The following CAMTA1 variants were observed in gnomAD, a reference collection of about 807,000 sequenced individuals.
CAMTA1 encodes the protein calmodulin binding transcription activator 1.
A neutral mutation model predicts 170.9 loss-of-function variants in CAMTA1; 27 were observed. That is an observed-to-expected ratio of 0.16 (90% CI 0.12 to 0.22). CAMTA1 has a LOEUF of 0.22. Among genes scored for constraint, CAMTA1 ranks in the 10% least tolerant of loss-of-function variants. CAMTA1 has a pLI of 1.00. For missense variants in CAMTA1, 1,619 were observed against 2,217.2 expected (o/e 0.73, Z 5.42); for synonymous variants, 833 against 891.5 (o/e 0.93, Z 1.17).
chr1:7,392,637 G>A (rs1320803567), intron 5 of CAMTA1, among the ~76,000 whole-genome samples: 2 of 151,654 alleles, frequency 1.3e-5, no homozygotes, highest in East Asian at 3.9e-4. Context: ...ATTTTGGGAG[G>A]CCAAGGTGGG....
chr1:7,385,092 A>ATT (rs34254610), intron 5 of CAMTA1, among the ~76,000 whole-genome samples: 98,491 of 140,180 alleles, frequency 0.7, 35,321 homozygotes, highest in Middle Eastern at 0.81. Context: ...CCTGTTCACT[A>ATT]TTTTTTTTTT....
At chr1:7,689,969 C>T (rs1311859354) in intron 11 of CAMTA1, among the ~76,000 whole-genome samples, 1 of 152,152 alleles carries the variant, frequency 6.6e-6, no homozygotes. Flanking sequence ...ACCAGCTTGA[C>T]CAACATGGTG....
At chr1:6,932,097 G>A (rs561218645) in intron 3 of CAMTA1, among the ~76,000 whole-genome samples, 1 of 152,188 alleles carries the variant, frequency 6.6e-6, no homozygotes, top group South Asian at 2.1e-4. Context: ...AGTGAGTTCT[G>A]GCATCACCAT....
At chr1:7,535,761 C>G (rs1430275745) in intron 6 of CAMTA1, among the ~76,000 whole-genome samples, 1 of 152,198 alleles carries the variant, frequency 6.6e-6, no homozygotes, top group African/African-American at 2.4e-5. Context: ...GGGACACAAC[C>G]TATGACCCCA....
At position 7,577,414 on chromosome 1, in the gene CAMTA1, G is replaced by A. The variant is rs146198518; in HGVS notation, c.511-62986G>A. Among the ~76,000 whole-genome samples the A allele has an allele frequency of 1.8e-4, 28 of 152,226 alleles. No homozygotes were observed. In the East Asian group the frequency reaches 2.3e-3, roughly 13 times the overall value. ...ACCTGTGTCAGCACTCCTTCTCACC[G>A]TCACAGACCATGGCTCCCTCTAACG... On this transcript the variant is annotated intron_variant, in intron 6 of 22. Transcript: ENST00000303635.
chr1:6,966,015 G>A (rs934243489), intron 3 of CAMTA1, among the ~76,000 whole-genome samples: 14 of 152,076 alleles, frequency 9.2e-5, no homozygotes, highest in Non-Finnish European at 1.3e-4. Flanking sequence ...GGGGGATCTC[G>A]GGGATGGGGA....
chr1:6,909,532 G>A (rs541336547), intron 3 of CAMTA1, among the ~76,000 whole-genome samples: 2 of 152,328 alleles, frequency 1.3e-5, no homozygotes, highest in South Asian at 2.1e-4. Context: ...CAGACCCTTG[G>A]GCTGGCAGAC....
intron 5 of CAMTA1, among the ~76,000 whole-genome samples, chr1:7,313,608 A>G (rs1446972515): frequency 6.6e-6 from 1 of 152,186 alleles, no homozygotes; most frequent in Non-Finnish European, 1.5e-5. Flanking sequence ...TCTCCTTAGC[A>G]TTGGGGCAGG....
chr1:7,706,856 A>G (rs561425054), intron 11 of CAMTA1, among the ~76,000 whole-genome samples: 5 of 148,294 alleles, frequency 3.4e-5, no homozygotes, highest in African/African-American at 1.2e-4. Context: ...CTTTGGTGAT[A>G]CCCTGGCGGA....
intron 3 of CAMTA1, among the ~76,000 whole-genome samples, chr1:6,905,510 T>C (rs1678239706): frequency 6.6e-6 from 1 of 152,048 alleles, no homozygotes; most frequent in Non-Finnish European, 1.5e-5. Context: ...CTCCTTTCTT[T>C]ACCATCCACC....
chr1:7,278,168 A>G (rs1053605334), intron 5 of CAMTA1, among the ~76,000 whole-genome samples: 1 of 152,204 alleles, frequency 6.6e-6, no homozygotes, highest in Non-Finnish European at 1.5e-5. Flanking sequence ...TTAATTTACA[A>G]CTGCTCTAGG....
intron 6 of CAMTA1, among the ~76,000 whole-genome samples, chr1:7,556,818 C>G (rs1250880054): frequency 1.3e-5 from 2 of 152,098 alleles, no homozygotes; most frequent in Admixed American, 1.3e-4. Flanking sequence ...AATTTTGGAT[C>G]CAAAAGGGCC....
At chr1:7,177,470 G>GCCC (rs139743157) in intron 4 of CAMTA1, among the ~76,000 whole-genome samples, 4 of 122,462 alleles carry the variant, frequency 3.3e-5, no homozygotes, top group African/African-American at 9.2e-5. Context: ...ACACCCTGAG[G>GCCC]CCCCCCCACA....
intron 1 of CAMTA1, among the ~76,000 whole-genome samples, chr1:6,787,930 A>C (rs762927974): frequency 3.3e-5 from 5 of 152,184 alleles, no homozygotes; most frequent in Admixed American, 6.5e-5. Flanking sequence ...TGAGAAGAAT[A>C]TGTTTTCCTG....
At chr1:7,559,621 T>G (rs60236823) in intron 6 of CAMTA1, among the ~76,000 whole-genome samples, 7,077 of 152,226 alleles carry the variant, frequency 0.046, 567 homozygotes, top group African/African-American at 0.16. Context: ...TGGAGGGGTC[T>G]GCACTGGAGG....
intron 3 of CAMTA1, among the ~76,000 whole-genome samples, chr1:7,066,805 C>A (rs1709022435): frequency 6.6e-6 from 1 of 152,170 alleles, no homozygotes; most frequent in Non-Finnish European, 1.5e-5. Flanking sequence ...ATAGGTAAAG[C>A]CAAGGGAAGG....
At chr1:6,938,937 C>T (rs929379701) in intron 3 of CAMTA1, among the ~76,000 whole-genome samples, 1 of 152,224 alleles carries the variant, frequency 6.6e-6, no homozygotes, top group African/African-American at 2.4e-5. Context: ...CATCAGTTCC[C>T]AAGACGTTTG....
chr1:7,438,231 G>T (rs1224202570), intron 5 of CAMTA1, among the ~76,000 whole-genome samples: 1 of 152,182 alleles, frequency 6.6e-6, no homozygotes, highest in East Asian at 1.9e-4. Context: ...TAGGTCAGAG[G>T]TCTTGAGACT....
chr1:7,563,133 T>A (rs2150274814), intron 6 of CAMTA1, among the ~76,000 whole-genome samples: 1 of 152,340 alleles, frequency 6.6e-6, no homozygotes, highest in East Asian at 1.9e-4. Context: ...TCCCTGGTCA[T>A]CGGGCTGTAG....
Sources: allele counts gnomAD v4.1 joint callset (sites outside exome capture counted in the v4.1 genomes callset), GRCh38; gene constraint gnomAD v4.1.1; transcripts MANE v1.5; gene names NCBI Gene and HGNC (gene_info 2026-07-23, HGNC 2026-07-21).